The following MGMT variants were observed in gnomAD, a reference collection of about 807,000 sequenced individuals.
The protein encoded by MGMT is O-6-methylguanine-DNA methyltransferase.
MGMT carries 14 observed loss-of-function variants against 15.9 expected under a neutral mutation model. The ratio of observed to expected loss-of-function variants is 0.88; its 90% CI spans 0.58 to 1.37. The LOEUF is 1.37. Ranked by LOEUF, MGMT falls within the 40% of genes most tolerant of loss-of-function variation. The probability of loss-of-function intolerance (pLI) is 0.00; values close to 1 mark genes in which losing one functional copy is unlikely to be tolerated. For synonymous variants in MGMT, 130 were observed against 118.2 expected (o/e 1.10, Z -0.65); for missense variants, 282 against 268.1 (o/e 1.05, Z -0.36).
intron 2 of MGMT, among the ~76,000 whole-genome samples, chr10:129,703,948 A>C (rs976992805): frequency 6.6e-6 from 1 of 152,096 alleles, no homozygotes; most frequent in Non-Finnish European, 1.5e-5. Flanking sequence ...CTGTCTGGGC[A>C]GTGGTGGTTG....
At chr10:129,722,017 T>C (rs1274065470) in intron 3 of MGMT, among the ~76,000 whole-genome samples, 1 of 151,932 alleles carries the variant, frequency 6.6e-6, no homozygotes, top group Non-Finnish European at 1.5e-5. Context: ...ATATATTTTC[T>C]ACTAGACAAA....
At chr10:129,565,200 T>C (rs938226220) in intron 2 of MGMT, among the ~76,000 whole-genome samples, 1 of 152,038 alleles carries the variant, frequency 6.6e-6, no homozygotes, top group Non-Finnish European at 1.5e-5. Flanking sequence ...GCTGAGTGAC[T>C]GAGGACCGTG....
At chr10:129,531,779 TGGGGGTGGGG>T (rs1012002619) in intron 1 of MGMT, among the ~76,000 whole-genome samples, 13 of 1,022 alleles carry the variant, frequency 0.013, no homozygotes, top group Admixed American at 0.043. Flanking sequence ...CGGGGGCTGG[TGGGGGTGGGG>T]GGGGGTGGGG....
intron 1 of MGMT, among the ~76,000 whole-genome samples, chr10:129,481,374 G>C (rs1845356428): frequency 6.6e-6 from 1 of 152,194 alleles, no homozygotes; most frequent in Non-Finnish European, 1.5e-5. Context: ...GGATATGTTT[G>C]AGGATTGTGT....
At chr10:129,642,728 G>C (rs1377991140) in intron 2 of MGMT, among the ~76,000 whole-genome samples, 1 of 152,118 alleles carries the variant, frequency 6.6e-6, no homozygotes, top group African/African-American at 2.4e-5. Flanking sequence ...CATTCCACAG[G>C]TGTATGTTCC....
At chr10:129,485,985 C>T (rs1221055554) in intron 1 of MGMT, among the ~76,000 whole-genome samples, 1 of 152,152 alleles carries the variant, frequency 6.6e-6, no homozygotes, top group Non-Finnish European at 1.5e-5. Flanking sequence ...AATAAGAATT[C>T]AAAGGACAAT....
At chr10:129,740,274 G>C (rs964369) in intron 3 of MGMT, among the ~76,000 whole-genome samples, 80,529 of 151,836 alleles carry the variant, frequency 0.53, 21,705 homozygotes, top group East Asian at 0.67. Flanking sequence ...TGGGCCCTGG[G>C]TGCCTGGGCC....
chr10:129,688,285 G>T (rs535392213), intron 2 of MGMT, among the ~76,000 whole-genome samples: 1 of 152,290 alleles, frequency 6.6e-6, no homozygotes, highest in South Asian at 2.1e-4. Context: ...CACAATGGTT[G>T]AACTAGTTTA....
At chr10:129,569,484 T>G (rs1846393053) in intron 2 of MGMT, among the ~76,000 whole-genome samples, 1 of 152,122 alleles carries the variant, frequency 6.6e-6, no homozygotes, top group Non-Finnish European at 1.5e-5. Flanking sequence ...TATTCCTACC[T>G]CAGAGCCCCT....
At chr10:129,657,928 A>G (rs1847551301) in intron 2 of MGMT, among the ~76,000 whole-genome samples, 1 of 151,826 alleles carries the variant, frequency 6.6e-6, no homozygotes, top group Admixed American at 6.6e-5. Flanking sequence ...CCTAATTGGC[A>G]CCTCTATCCT....
intron 2 of MGMT, among the ~76,000 whole-genome samples, chr10:129,572,496 G>A (rs1216477907): frequency 1.3e-5 from 2 of 152,166 alleles, no homozygotes; most frequent in Non-Finnish European, 2.9e-5. Context: ...TGTCTTCTGA[G>A]TAGTTGGCTA....
chr10:129,668,335 C>T (rs554150925), intron 2 of MGMT, among the ~76,000 whole-genome samples: 51 of 151,912 alleles, frequency 3.4e-4, no homozygotes, highest in African/African-American at 1.2e-3. Context: ...TTCTTAGATG[C>T]TGGGCCAGAG....
intron 2 of MGMT, among the ~76,000 whole-genome samples, chr10:129,604,019 G>A (rs1846856410): frequency 6.6e-6 from 1 of 152,116 alleles, no homozygotes; most frequent in Non-Finnish European, 1.5e-5. Flanking sequence ...TGTGTCTGCG[G>A]GTGCCAGAGG....
intron 2 of MGMT, among the ~76,000 whole-genome samples, chr10:129,638,461 A>AAAAAAAAAAAAAAGAAGT (rs1206037140): frequency 6.7e-6 from 1 of 149,814 alleles, no homozygotes; most frequent in African/African-American, 2.4e-5. Context: ...AAAAAAGAAA[A>AAAAAAAAAAAAAAGAAGT]ATAACTGACG....
Position 129,759,251 on chromosome 10 carries a change from C to T in MGMT, c.324C>T (p.Phe108=), listed in dbSNP as rs765525291. ...GGAAGCTGCTGAAGGTTGTGAAATT[C>T]GGAGAAGTGATTTCTTACCAGCAAT... The part of the protein sequence containing the change: ...VLWKLLKVVK[F]GEVISYQQLA... The change falls in exon 4 of 5, where the codon TTC becomes TTT. Residue 108 remains phenylalanine, a synonymous_variant. Coordinates refer to ENST00000651593, the MANE Select transcript of MGMT (RefSeq NM_002412.5). The T allele has an allele frequency of 1.9e-6, 3 of 1,613,168 alleles. No homozygotes were observed. The highest frequency in any genetic ancestry group is 1.1e-5 in the South Asian group (1 of 91,060).
intron 2 of MGMT, among the ~76,000 whole-genome samples, chr10:129,647,174 G>A (rs1453981532): frequency 2.6e-5 from 4 of 152,170 alleles, no homozygotes; most frequent in Admixed American, 6.5e-5. Flanking sequence ...CACTTCACCT[G>A]CTCTGCGGAG....
intron 2 of MGMT, among the ~76,000 whole-genome samples, chr10:129,597,899 G>C (rs1357112907): frequency 6.6e-6 from 1 of 152,182 alleles, no homozygotes; most frequent in Admixed American, 6.5e-5. Flanking sequence ...ATGGCATAGG[G>C]CATTTTTAGG....
chr10:129,487,227 A>G (rs1269583977), intron 1 of MGMT, among the ~76,000 whole-genome samples: 2 of 152,266 alleles, frequency 1.3e-5, no homozygotes, highest in East Asian at 1.9e-4. Flanking sequence ...GGGGGTCCAC[A>G]TGAGCATACA....
At chr10:129,476,254 G>A (rs949219967) in intron 1 of MGMT, among the ~76,000 whole-genome samples, 30 of 152,158 alleles carry the variant, frequency 2.0e-4, no homozygotes, top group Admixed American at 1.8e-3. Flanking sequence ...GCTGGACATG[G>A]CCCCCGCTGT....
Sources: gnomAD v4.1 joint callset for allele counts (sites outside exome capture counted in the v4.1 genomes callset) on GRCh38, gnomAD v4.1.1 for gene constraint, MANE v1.5 for transcripts, NCBI Gene and HGNC (gene_info 2026-07-23, HGNC 2026-07-21) for gene names.